Variants in SSBP3 observed in about 807,000 individuals in gnomAD.
SSBP3 encodes single-stranded DNA-binding protein 3.
In SSBP3, 5 loss-of-function variants were observed where a neutral mutation model predicts 69.6. The ratio of observed to expected loss-of-function variants is 0.07; its 90% CI spans 0.04 to 0.15. The LOEUF (loss-of-function observed/expected upper bound fraction) is 0.15, where lower values mean the gene tolerates loss of function less well. Ranked by LOEUF, SSBP3 falls within the 10% of genes least tolerant of loss-of-function variation. The pLI, the probability that SSBP3 is intolerant of heterozygous loss-of-function variation, is 1.00. For synonymous variants in SSBP3, 196 were observed against 193.4 expected, an observed-to-expected ratio of 1.01 and a Z score of -0.11; for missense variants, 312 against 534.0, an observed-to-expected ratio of 0.58 and a Z score of 4.10.
chr1:54,299,297 A>G (rs1645758491), intron 4 of SSBP3, among the ~76,000 whole-genome samples: 1 of 152,132 alleles, frequency 6.6e-6, no homozygotes, highest in Admixed American at 6.5e-5. Context: ...CCTGCCCTGC[A>G]TGCTTGATCC....
chr1:54,302,056 G>GA (rs1422572163), intron 4 of SSBP3, among the ~76,000 whole-genome samples: 1 of 152,166 alleles, frequency 6.6e-6, no homozygotes, highest in Non-Finnish European at 1.5e-5. Context: ...GGTGGGGGTG[G>GA]GGGGGTACCC....
chr1:54,389,825 G>T (rs1196298105), intron 4 of SSBP3, among the ~76,000 whole-genome samples: 2 of 152,016 alleles, frequency 1.3e-5, no homozygotes, highest in Non-Finnish European at 1.5e-5. Flanking sequence ...GCTGCAGTGA[G>T]CCGAGATCAT....
At chr1:54,247,796 C>T (rs1226371964) in intron 9 of SSBP3, among the ~76,000 whole-genome samples, 9 of 152,206 alleles carry the variant, frequency 5.9e-5, no homozygotes, top group African/African-American at 2.2e-4. Context: ...AACCAGGAGC[C>T]CCTCAGTTTT....
intron 4 of SSBP3, among the ~76,000 whole-genome samples, chr1:54,359,452 C>T (rs915419755): frequency 2.0e-5 from 3 of 152,208 alleles, no homozygotes; most frequent in Admixed American, 1.3e-4. Context: ...GGGAAAATAA[C>T]TCAAAGCCCT....
chr1:54,310,572 A>G (rs971788818), intron 4 of SSBP3, among the ~76,000 whole-genome samples: 1 of 152,104 alleles, frequency 6.6e-6, no homozygotes, highest in African/African-American at 2.4e-5. Context: ...ACCATTCCCA[A>G]CACACCCCAA....
At chr1:54,384,704 G>A (rs745906543) in intron 4 of SSBP3, among the ~76,000 whole-genome samples, 41 of 152,204 alleles carry the variant, frequency 2.7e-4, no homozygotes, top group Non-Finnish European at 5.0e-4. Flanking sequence ...AGGAATCTCA[G>A]GCTTCACATT....
intron 4 of SSBP3, among the ~76,000 whole-genome samples, chr1:54,345,995 AAAAAC>A (rs1646683466): frequency 6.6e-6 from 1 of 151,800 alleles, no homozygotes; most frequent in South Asian, 2.1e-4. Context: ...ACAAAAAAAA[AAAAAC>A]AAAACAAAAA....
At chr1:54,373,608 A>C (rs1647171528) in intron 4 of SSBP3, among the ~76,000 whole-genome samples, 1 of 152,050 alleles carries the variant, frequency 6.6e-6, no homozygotes. Flanking sequence ...TATAAAAAAA[A>C]ATACAAAAAT....
chr1:54,248,669 C>T (rs922889322), intron 9 of SSBP3, among the ~76,000 whole-genome samples: 2 of 152,184 alleles, frequency 1.3e-5, no homozygotes, highest in African/African-American at 4.8e-5. Flanking sequence ...TAGGTGACCA[C>T]AGACCCTGTA....
chr1:54,376,764 T>C (rs527713838), intron 4 of SSBP3, among the ~76,000 whole-genome samples: 7 of 152,304 alleles, frequency 4.6e-5, no homozygotes, highest in Non-Finnish European at 2.9e-5. Flanking sequence ...GCAGTACTTA[T>C]TTACAAACGG....
intron 4 of SSBP3, among the ~76,000 whole-genome samples, chr1:54,401,053 C>T (rs1364424470): frequency 2.0e-5 from 3 of 152,196 alleles, no homozygotes; most frequent in Admixed American, 1.3e-4. Context: ...CCTTCAGACA[C>T]GTCCTCTTCC....
At chr1:54,372,568 C>G (rs1344964558) in intron 4 of SSBP3, among the ~76,000 whole-genome samples, 1 of 152,194 alleles carries the variant, frequency 6.6e-6, no homozygotes, top group Non-Finnish European at 1.5e-5. Flanking sequence ...AGACAACAAT[C>G]AACACAATCC....
intron 4 of SSBP3, among the ~76,000 whole-genome samples, chr1:54,295,502 C>T (rs973037264): frequency 4.6e-5 from 7 of 152,190 alleles, no homozygotes; most frequent in African/African-American, 1.4e-4. Context: ...TACCAATGGC[C>T]TCCTAACCAA....
chr1:54,395,025 T>C (rs1648765480), intron 4 of SSBP3, among the ~76,000 whole-genome samples: 2 of 150,898 alleles, frequency 1.3e-5, no homozygotes, highest in Admixed American at 6.7e-5. Context: ...TTTTTTTTTA[T>C]TGTATGTGGG....
chr1:54,269,849 G>A (rs1645163394), intron 5 of SSBP3, among the ~76,000 whole-genome samples: 1 of 152,236 alleles, frequency 6.6e-6, no homozygotes, highest in African/African-American at 2.4e-5. Context: ...TTCTTCTAAT[G>A]AAGGGGCACC....
At chr1:54,326,026 C>G (rs1174600941) in intron 4 of SSBP3, among the ~76,000 whole-genome samples, 1 of 150,792 alleles carries the variant, frequency 6.6e-6, no homozygotes, top group African/African-American at 2.4e-5. Context: ...CAGAGGCAGG[C>G]ACAGGGGCCG....
At chr1:54,370,152 C>G (rs1392217979) in intron 4 of SSBP3, among the ~76,000 whole-genome samples, 1 of 152,178 alleles carries the variant, frequency 6.6e-6, no homozygotes, top group Admixed American at 6.5e-5. Flanking sequence ...ATGCACCTCC[C>G]TAAGATCCTC....
chr1:54,322,019 G>A (rs990984942), intron 4 of SSBP3, among the ~76,000 whole-genome samples: 2 of 152,186 alleles, frequency 1.3e-5, no homozygotes, highest in Non-Finnish European at 2.9e-5. Flanking sequence ...CTTCAGGACT[G>A]GAAAATGAAT....
intron 4 of SSBP3, among the ~76,000 whole-genome samples, chr1:54,298,953 A>C (rs1338755626): frequency 6.6e-6 from 1 of 151,802 alleles, no homozygotes; most frequent in Non-Finnish European, 1.5e-5. Flanking sequence ...ACACACACAC[A>C]CACACACGAG....
Sources: gnomAD v4.1 joint callset for allele counts (sites outside exome capture counted in the v4.1 genomes callset) on GRCh38, gnomAD v4.1.1 for gene constraint, MANE v1.5 for transcripts, NCBI Gene and HGNC (gene_info 2026-07-23, HGNC 2026-07-21) for gene names.